Variants in GATAD1 observed in about 807,000 individuals in gnomAD.
GATAD1 encodes the protein GATA zinc finger domain containing 1, also known as GATA zinc finger domain-containing protein 1.
In GATAD1, 12 loss-of-function variants were observed where a neutral mutation model predicts 26.5. The observed-to-expected ratio is 0.45, with a 90% confidence interval of 0.29 to 0.73. The LOEUF is 0.73. GATAD1 is among the 30% of genes least tolerant of loss of function. The pLI is 0.10. For missense variants in GATAD1, 266 were observed against 342.1 expected, an observed-to-expected ratio of 0.78 and a Z score of 1.75; for synonymous variants, 129 against 133.1, an observed-to-expected ratio of 0.97 and a Z score of 0.21.
At chr7:92,485,789 G>C in the GATAD1 span, among the ~76,000 whole-genome samples, 1 of 152,180 alleles carries the variant, frequency 6.6e-6, no homozygotes, top group East Asian at 1.9e-4. Flanking sequence ...TCAGGAGGTA[G>C]AGATGTCTGA....
chr7:92,476,857 A>G, the GATAD1 span, among the ~76,000 whole-genome samples: 2 of 152,178 alleles, frequency 1.3e-5, no homozygotes, highest in African/African-American at 4.8e-5. Flanking sequence ...GTGCCTAAGG[A>G]CGCAGCGCAG....
At chr7:92,470,219 G>T in the GATAD1 span, 1 of 777,092 alleles carries the variant, frequency 1.3e-6, no homozygotes, top group Non-Finnish European at 2.4e-6. Context: ...CCCTTAGAAA[G>T]ACTCCTATAC....
rs1041147485 is a variant in GATAD1 at position 92,447,540 on chromosome 7, A to G, written c.-190A>G. The G allele has an allele frequency of 1.8e-5, 11 of 599,862 alleles. No homozygotes were observed. The South Asian group carries it at 4.3e-4, about 24-fold the overall frequency. The allele number at this position is 599,862 out of a possible 1,614,324, so 37.2% of individuals were successfully genotyped here. A position where few individuals can be genotyped will look rare whatever the true frequency, so the allele number is the denominator to read the frequency against. ...AGGGAATCCTGGCCTCCGCCTGCGG[A>G]GCCGGCGGAACCCGCTTCCCGCCTC... On this transcript the variant is annotated 5_prime_UTR_variant, in exon 1 of 5. Transcript: ENST00000287957.
the GATAD1 span, among the ~76,000 whole-genome samples, chr7:92,484,329 T>A: frequency 1.3e-5 from 2 of 151,674 alleles, no homozygotes; most frequent in Non-Finnish European, 2.9e-5. Flanking sequence ...AAGAGAAAGG[T>A]AGAGACACAG....
chr7:92,482,430 G>C, the GATAD1 span, among the ~76,000 whole-genome samples: 1 of 152,174 alleles, frequency 6.6e-6, no homozygotes, highest in Non-Finnish European at 1.5e-5. Context: ...CAGGTAAAAT[G>C]GGGGAATTGT....
intron 3 of GATAD1, 179 bp from the exon 4 acceptor site, chr7:92,454,323 T>C: frequency 1.7e-6 from 1 of 589,354 alleles, no homozygotes; most frequent in Non-Finnish European, 3.0e-6. Context: ...ATGTATAATT[T>C]TCATTCAAAC....
intron 1 of GATAD1, 33 bp downstream of exon 1, chr7:92,448,011 G>A (rs1450005568): frequency 1.7e-6 from 2 of 1,206,474 alleles, no homozygotes; most frequent in Non-Finnish European, 2.1e-6. Flanking sequence ...GCCGGCGGAG[G>A]CCGACCAGGT....
the GATAD1 span, among the ~76,000 whole-genome samples, chr7:92,481,586 C>G: frequency 1.3e-5 from 2 of 152,130 alleles, no homozygotes; most frequent in Non-Finnish European, 1.5e-5. Flanking sequence ...TGTAAGAATT[C>G]CGACTGCACA....
At chr7:92,490,162 T>G in the GATAD1 span, 1 of 511,922 alleles carries the variant, frequency 2.0e-6, no homozygotes, top group Non-Finnish European at 3.5e-6. Flanking sequence ...TTTAACTTTG[T>G]TGCTTAAATC....
the GATAD1 span, chr7:92,487,427 T>TA: frequency 2.4e-6 from 3 of 1,250,744 alleles, no homozygotes; most frequent in Non-Finnish European, 3.5e-6. Flanking sequence ...TCAAAAAACT[T>TA]AACAGAACCA....
the GATAD1 span, chr7:92,491,643 G>A: frequency 4.8e-6 from 3 of 627,366 alleles, no homozygotes; most frequent in East Asian, 2.7e-5. Context: ...ATTCTCTAAC[G>A]GTTTTGAGGC....
the GATAD1 span, chr7:92,489,492 G>T: frequency 1.5e-6 from 2 of 1,367,778 alleles, no homozygotes; most frequent in Non-Finnish European, 2.1e-6. Flanking sequence ...TAGTCCAGTT[G>T]TTACTTCTTA....
the GATAD1 span, among the ~76,000 whole-genome samples, chr7:92,483,582 G>A: frequency 1.3e-5 from 2 of 152,248 alleles, no homozygotes; most frequent in Admixed American, 6.5e-5. Context: ...GCCTGTAAGG[G>A]TTGTTGCCAG....
At chr7:92,448,612 G>A in intron 1 of GATAD1, 140 bp from the exon 2 acceptor site, 1 of 717,862 alleles carries the variant, frequency 1.4e-6, no homozygotes. Flanking sequence ...TACTTCTCTT[G>A]AAAAGCAAAA....
chr7:92,478,293 C>A, the GATAD1 span, among the ~76,000 whole-genome samples: 7 of 152,286 alleles, frequency 4.6e-5, no homozygotes, highest in East Asian at 1.3e-3. Flanking sequence ...AGAACTATGT[C>A]ACATAGCCAC....
chr7:92,484,455 A>G, the GATAD1 span, among the ~76,000 whole-genome samples: 91 of 152,282 alleles, frequency 6.0e-4, no homozygotes, highest in African/African-American at 1.9e-3. Flanking sequence ...TCAGACACCA[A>G]TGGAGTGTGG....
chr7:92,489,968 A>G, the GATAD1 span: 18 of 1,281,858 alleles, frequency 1.4e-5, no homozygotes, highest in East Asian at 2.3e-5. Flanking sequence ...AGAAAAAACT[A>G]TGTGTTTACC....
the GATAD1 span, chr7:92,489,800 C>A: frequency 6.2e-7 from 1 of 1,613,986 alleles, no homozygotes; most frequent in Non-Finnish European, 8.5e-7. Context: ...TCTTGGCAAC[C>A]CTCTTGTGAA....
chr7:92,448,203 A>G (rs1789252459), intron 1 of GATAD1, among the ~76,000 whole-genome samples: 1 of 152,268 alleles, frequency 6.6e-6, no homozygotes, highest in Admixed American at 6.5e-5. Context: ...AAAGCCCTTA[A>G]GAAAATCTCA....
Sources: gnomAD v4.1 joint callset for allele counts (sites outside exome capture counted in the v4.1 genomes callset) on GRCh38, gnomAD v4.1.1 for gene constraint, MANE v1.5 for transcripts, NCBI Gene and HGNC (gene_info 2026-07-23, HGNC 2026-07-21) for gene names.